XRRA1: variants seen among roughly 807,000 people sequenced by gnomAD.
XRRA1 encodes X-ray radiation resistance-associated protein 1.
A neutral mutation model predicts 80.2 loss-of-function variants in XRRA1; 69 were observed. The ratio of observed to expected loss-of-function variants is 0.86; its 90% CI spans 0.71 to 1.05. The LOEUF is 1.05. Ranked by LOEUF, XRRA1 falls within the 50% of genes least tolerant of loss-of-function variation. The probability of loss-of-function intolerance (pLI) is 0.00; values close to 1 mark genes in which losing one functional copy is unlikely to be tolerated. For synonymous variants in XRRA1, 348 were observed against 389.9 expected, an observed-to-expected ratio of 0.89 and a Z score of 1.27; for missense variants, 967 against 976.4, an observed-to-expected ratio of 0.99 and a Z score of 0.13.
intron 3 of XRRA1, among the ~76,000 whole-genome samples, chr11:74,938,067 A>C (rs183775770): frequency 1.6e-3 from 246 of 152,316 alleles, no homozygotes; most frequent in Non-Finnish European, 2.7e-3. Context: ...AGTCATAATA[A>C]TATAACATCT....
rs1419321976 is a variant in XRRA1 at position 74,927,503 on chromosome 11, G to A, written c.425-15C>T. 1.3e-6 allele frequency: 2 copies of A among 1,528,018 alleles called. No homozygotes were observed. Among genetic ancestry groups the A allele is most frequent in the South Asian group, 1.1e-5 (1 of 89,168 alleles). The allele number at this position is 1,528,018 out of a possible 1,614,324, so 94.7% of individuals were successfully genotyped here. A position where few individuals can be genotyped will look rare whatever the true frequency, so the allele number is the denominator to read the frequency against. On this transcript the variant is annotated splice_polypyrimidine_tract_variant and intron_variant, in intron 6 of 18. Coordinates refer to ENST00000684022, the MANE Select transcript of XRRA1 (RefSeq NM_001378157.1). Reference sequence around the variant, plus strand: ...GTGAAATGCCTCTACATGGGGAAGAGAAAGAGAGAGTCTGCAGCTTGTAAA... The same window carrying A: ...GTGAAATGCCTCTACATGGGGAAGAAAAAGAGAGAGTCTGCAGCTTGTAAA...
intron 10 of XRRA1, among the ~76,000 whole-genome samples, chr11:74,884,397 C>G (rs111322770): frequency 1.3e-5 from 2 of 152,288 alleles, no homozygotes; most frequent in African/African-American, 4.8e-5. Flanking sequence ...GAGGACCCAC[C>G]TGCATAATAA....
At chr11:74,903,234 A>T (rs564573877) in intron 10 of XRRA1, among the ~76,000 whole-genome samples, 66 of 152,320 alleles carry the variant, frequency 4.3e-4, no homozygotes, top group African/African-American at 1.5e-3. Context: ...CTTCTGGGTA[A>T]ATACTCCAGG....
chr11:74,845,321 T>C, intron 15 of XRRA1, 50 bp from the exon 16 acceptor site: 1 of 1,539,612 alleles, frequency 6.5e-7, no homozygotes, highest in Middle Eastern at 1.7e-4. Context: ...CATTCATTCA[T>C]TCCATGAACA....
chr11:74,936,826 C>G, intron 4 of XRRA1, 58 bp downstream of exon 4: 2 of 1,537,182 alleles, frequency 1.3e-6, no homozygotes, highest in Non-Finnish European at 1.8e-6. Context: ...AAATCCTTCC[C>G]CACTTCCTCC....
intron 8 of XRRA1, chr11:74,909,860 G>A (rs1171289635): frequency 2.6e-5 from 4 of 152,326 alleles, no homozygotes; most frequent in African/African-American, 4.8e-5. Flanking sequence ...ATGTGCAGTG[G>A]TTGGATTCAG....
intron 10 of XRRA1, among the ~76,000 whole-genome samples, chr11:74,869,601 T>C (rs1425747990): frequency 6.6e-6 from 1 of 152,178 alleles, no homozygotes; most frequent in Non-Finnish European, 1.5e-5. Context: ...ATGGGCAACA[T>C]GGTGCAGGCC....
At chr11:74,941,858 A>G (rs1324088402) in intron 2 of XRRA1, among the ~76,000 whole-genome samples, 1 of 152,174 alleles carries the variant, frequency 6.6e-6, no homozygotes, top group East Asian at 1.9e-4. Flanking sequence ...AGGGAGGGAC[A>G]GTAGAGAAAA....
intron 8 of XRRA1, among the ~76,000 whole-genome samples, chr11:74,911,613 G>T (rs992006168): frequency 6.6e-6 from 1 of 152,108 alleles, no homozygotes; most frequent in African/African-American, 2.4e-5. Context: ...TGCTATGGTT[G>T]CCTAGGCTGG....
At chr11:74,942,587 C>T (rs867403535) in intron 2 of XRRA1, among the ~76,000 whole-genome samples, 1 of 152,278 alleles carries the variant, frequency 6.6e-6, no homozygotes, top group Non-Finnish European at 1.5e-5. Flanking sequence ...CTAGTCCCAG[C>T]CCTGGCAGAC....
intron 13 of XRRA1, among the ~76,000 whole-genome samples, 154 bp downstream of exon 13, chr11:74,851,835 A>G (rs1169955894): frequency 6.6e-6 from 1 of 152,184 alleles, no homozygotes; most frequent in Non-Finnish European, 1.5e-5. Flanking sequence ...GCGCTGGTAC[A>G]GAGCTATTTC....
chr11:74,840,940 GTTATT>G lies in XRRA1; in HGVS notation c.*2255_*2259del, dbSNP rs755523121. ...GGGATACCCCCAAATGATTTAGGAG[GTTATT>G]TTATTTTAATAGTTTTTTCTTCCTG... On this transcript the variant is annotated 3_prime_UTR_variant, in exon 19 of 19. Coordinates refer to ENST00000684022, the MANE Select transcript of XRRA1 (RefSeq NM_001378157.1). The G allele has an allele frequency of 6.6e-5, 10 of 152,058 alleles. No homozygotes were observed. In the East Asian group the frequency reaches 9.6e-4, roughly 15 times the overall value. The allele number at this position is 152,058 out of a possible 1,614,324, so 9.4% of individuals were successfully genotyped here. A position where few individuals can be genotyped will look rare whatever the true frequency, so the allele number is the denominator to read the frequency against.
chr11:74,853,114 A>C (rs2040281753), intron 12 of XRRA1, among the ~76,000 whole-genome samples: 1 of 152,234 alleles, frequency 6.6e-6, no homozygotes, highest in South Asian at 2.1e-4. Context: ...CTCAGAGAGC[A>C]CTGTCTAGTG....
intron 9 of XRRA1, chr11:74,906,742 T>A: frequency 2.2e-6 from 1 of 459,776 alleles, no homozygotes; most frequent in Non-Finnish European, 3.8e-6. Flanking sequence ...CAAAGTAAAT[T>A]TTCCAGAGAA....
chr11:74,903,785 T>C (rs905121156), intron 10 of XRRA1, among the ~76,000 whole-genome samples: 1 of 151,826 alleles, frequency 6.6e-6, no homozygotes, highest in Non-Finnish European at 1.5e-5. Context: ...ACTGAAAAAA[T>C]CAAGTAACAG....
chr11:74,852,169 ATGCT>A, intron 12 of XRRA1, 87 bp from the exon 13 acceptor site: 1 of 1,112,088 alleles, frequency 9.0e-7, no homozygotes, highest in East Asian at 2.4e-5. Context: ...GCAGGGCTAC[ATGCT>A]TGCTAGGATT....
chr11:74,937,292 T>C (rs779688459), intron 3 of XRRA1, among the ~76,000 whole-genome samples: 1 of 152,194 alleles, frequency 6.6e-6, no homozygotes, highest in South Asian at 2.1e-4. Flanking sequence ...ATTTTATACA[T>C]GAAAAGGCTG....
intron 10 of XRRA1, chr11:74,863,299 A>G (rs2042710329): frequency 2.1e-6 from 1 of 478,720 alleles, no homozygotes. Context: ...GTCTCATTTC[A>G]TGATACTCTC....
At chr11:74,941,861 A>G (rs1367224595) in intron 2 of XRRA1, among the ~76,000 whole-genome samples, 2 of 152,160 alleles carry the variant, frequency 1.3e-5, no homozygotes, top group Admixed American at 6.5e-5. Context: ...GAGGGACAGT[A>G]GAGAAAAAGA....
Sources: gnomAD v4.1 joint callset for allele counts (sites outside exome capture counted in the v4.1 genomes callset) on GRCh38, gnomAD v4.1.1 for gene constraint, MANE v1.5 for transcripts, NCBI Gene and HGNC (gene_info 2026-07-23, HGNC 2026-07-21) for gene names.